Variants in ANKRD33B observed in about 807,000 individuals in gnomAD.
The protein encoded by ANKRD33B is ankyrin repeat domain 33B.
A neutral mutation model predicts 21.5 loss-of-function variants in ANKRD33B; 6 were observed. The ratio of observed to expected loss-of-function variants is 0.28; its 90% CI spans 0.15 to 0.55. The LOEUF (loss-of-function observed/expected upper bound fraction) is 0.55, where lower values mean the gene tolerates loss of function less well. Ranked by LOEUF, ANKRD33B falls within the 20% of genes least tolerant of loss-of-function variation. The pLI is 0.94. For synonymous variants in ANKRD33B, 347 were observed against 342.4 expected, an observed-to-expected ratio of 1.01 and a Z score of -0.15; for missense variants, 698 against 747.2, an observed-to-expected ratio of 0.93 and a Z score of 0.77.
At chr5:10,644,575 A>T (rs1046883597) in intron 3 of ANKRD33B, among the ~76,000 whole-genome samples, 1 of 152,186 alleles carries the variant, frequency 6.6e-6, no homozygotes, top group African/African-American at 2.4e-5. Flanking sequence ...GATTTAAAGG[A>T]CGGCGAGGAA....
chr5:10,608,726 T>C (rs963252463), intron 1 of ANKRD33B, among the ~76,000 whole-genome samples: 3 of 151,256 alleles, frequency 2.0e-5, no homozygotes, highest in African/African-American at 7.3e-5. Context: ...GGTTTTTGAA[T>C]GGGAGGCATT....
chr5:10,622,441 C>T (rs1736441164), intron 2 of ANKRD33B, among the ~76,000 whole-genome samples: 1 of 148,668 alleles, frequency 6.7e-6, no homozygotes, highest in African/African-American at 2.4e-5. Context: ...ACATATTCTA[C>T]CAAAAGTTAT....
intron 3 of ANKRD33B, among the ~76,000 whole-genome samples, chr5:10,643,444 G>A (rs147495847): frequency 7.9e-5 from 12 of 151,520 alleles, no homozygotes; most frequent in African/African-American, 2.2e-4. Flanking sequence ...AATGGGAAAG[G>A]ATATACAAAG....
At chr5:10,595,749 G>T (rs1735804389) in intron 1 of ANKRD33B, among the ~76,000 whole-genome samples, 1 of 152,068 alleles carries the variant, frequency 6.6e-6, no homozygotes, top group African/African-American at 2.4e-5. Context: ...TCATCTTCTG[G>T]GCTCATCCCT....
intron 1 of ANKRD33B, among the ~76,000 whole-genome samples, chr5:10,604,265 C>T (rs2126570861): frequency 6.9e-6 from 1 of 144,534 alleles, no homozygotes; most frequent in African/African-American, 2.6e-5. Flanking sequence ...GATCTCGGCT[C>T]ACTGCAACCT....
rs981493421 is a variant in ANKRD33B at position 10,651,134 on chromosome 5, A to G, written c.*1021A>G. ...GGTGATTTTTAGAAGAGGTGAGAGA[A>G]TGGAATGGGGAACAGACTTGTTTTC... On this transcript the variant is annotated 3_prime_UTR_variant, in exon 4 of 4. Coordinates refer to ENST00000296657, the MANE Select transcript of ANKRD33B (RefSeq NM_001164440.2). 1 of 152,380 alleles carries G rather than the reference A, an allele frequency of 6.6e-6. No individual in the cohort carries two copies. Among genetic ancestry groups the G allele is most frequent in the Non-Finnish European group, 1.5e-5 (1 of 68,032 alleles). 9.4% of individuals were successfully genotyped at this position (152,380 alleles called of 1,614,324 possible).
At chr5:10,591,659 T>C (rs898921923) in intron 1 of ANKRD33B, among the ~76,000 whole-genome samples, 3 of 152,206 alleles carry the variant, frequency 2.0e-5, no homozygotes, top group Non-Finnish European at 4.4e-5. Flanking sequence ...CTCATTAATA[T>C]TTTAATTTAC....
In ANKRD33B at chr5:10,649,495, C is replaced by G. The variant is rs1269087943; in HGVS notation, c.867C>G (p.Ser289=). 2 of 1,534,886 alleles carry G rather than the reference C, an allele frequency of 1.3e-6. No individual in the cohort carries two copies. The highest frequency in any genetic ancestry group is 1.7e-4 in the Middle Eastern group (1 of 5,744). ...AGAGGCTCACAGACTGCGTGCTGTC[C>G]GTGCTGACGCCGCGCTCCGTGCGGG... ...CLQRLTDCVL[S]VLTPRSVRGP... The change falls in exon 4 of 4, where the codon TCC becomes TCG. Residue 289 remains serine, a synonymous_variant. Transcript: ENST00000296657.
At chr5:10,601,959 G>T (rs1735943048) in intron 1 of ANKRD33B, among the ~76,000 whole-genome samples, 1 of 152,232 alleles carries the variant, frequency 6.6e-6, no homozygotes. Context: ...CCAGTTAGGG[G>T]GCATGTGAGG....
At chr5:10,612,476 G>T (rs1560973596) in intron 1 of ANKRD33B, among the ~76,000 whole-genome samples, 1 of 152,206 alleles carries the variant, frequency 6.6e-6, no homozygotes, top group Non-Finnish European at 1.5e-5. Context: ...CACCGTGAGG[G>T]TTAGGATTTC....
intron 3 of ANKRD33B, among the ~76,000 whole-genome samples, chr5:10,646,566 GT>G (rs901753716): frequency 6.6e-6 from 1 of 152,104 alleles, no homozygotes; most frequent in African/African-American, 2.4e-5. Context: ...TCTTCCTCTG[GT>G]TTTCCATTAG....
rs1450999091 is a variant in ANKRD33B at position 10,651,941 on chromosome 5, G to A, written c.*1828G>A. 1 of 152,386 alleles carries A rather than the reference G, an allele frequency of 6.6e-6. No homozygotes were observed. The highest frequency in any genetic ancestry group is 1.5e-5 in the Non-Finnish European group (1 of 68,066). The allele number at this position is 152,386 out of a possible 1,614,324, so 9.4% of individuals were successfully genotyped here. On this transcript the variant is annotated 3_prime_UTR_variant, in exon 4 of 4. Transcript: ENST00000296657. ...CTTAATCCCAGAAGGGCACCATGAT[G>A]AATGCCACAGGAGACTGGACCCTCT... is the stretch of plus-strand genomic sequence containing the variant.
chr5:10,581,854 T>G (rs1337186196), intron 1 of ANKRD33B, among the ~76,000 whole-genome samples: 1 of 152,208 alleles, frequency 6.6e-6, no homozygotes, highest in Non-Finnish European at 1.5e-5. Flanking sequence ...CCTGTAGATT[T>G]TGGACTTGCC....
chr5:10,608,212 A>G (rs1736091473), intron 1 of ANKRD33B, among the ~76,000 whole-genome samples: 2 of 151,126 alleles, frequency 1.3e-5, no homozygotes, highest in South Asian at 4.2e-4. Flanking sequence ...AAAAAAAAAA[A>G]ATGGGCGTGG....
chr5:10,586,916 G>T (rs1252334620), intron 1 of ANKRD33B, among the ~76,000 whole-genome samples: 2 of 152,152 alleles, frequency 1.3e-5, no homozygotes, highest in African/African-American at 4.8e-5. Flanking sequence ...AGACTCTTTA[G>T]CCTACTGAAT....
chr5:10,568,156 C>T (rs190792381), intron 1 of ANKRD33B, among the ~76,000 whole-genome samples: 1 of 152,322 alleles, frequency 6.6e-6, no homozygotes, highest in East Asian at 1.9e-4. Flanking sequence ...CATTTTCCTT[C>T]TAAAATATTT....
chr5:10,574,851 G>GAGGTGGGC, intron 1 of ANKRD33B, among the ~76,000 whole-genome samples: 1 of 57,394 alleles, frequency 1.7e-5, no homozygotes, highest in Non-Finnish European at 5.0e-5. Context: ...AGGCTGAAGC[G>GAGGTGGGC]GGAGAGCTGC....
intron 1 of ANKRD33B, among the ~76,000 whole-genome samples, chr5:10,568,886 C>T (rs1735115018): frequency 6.6e-6 from 1 of 152,114 alleles, no homozygotes; most frequent in Admixed American, 6.5e-5. Flanking sequence ...TTCCAAAGGC[C>T]CCTCCATTGG....
At chr5:10,608,087 G>A (rs190760417) in intron 1 of ANKRD33B, among the ~76,000 whole-genome samples, 2 of 151,836 alleles carry the variant, frequency 1.3e-5, no homozygotes, top group East Asian at 1.9e-4. Flanking sequence ...GGGGGCTCAC[G>A]CCTATATTCC....
Sources: gnomAD v4.1 joint callset for allele counts (sites outside exome capture counted in the v4.1 genomes callset) on GRCh38, gnomAD v4.1.1 for gene constraint, MANE v1.5 for transcripts, NCBI Gene and HGNC (gene_info 2026-07-23, HGNC 2026-07-21) for gene names.